The following RABGAP1 variants were observed in gnomAD, a reference collection of about 807,000 sequenced individuals.
RABGAP1 encodes RAB GTPase activating protein 1.
A neutral mutation model predicts 137.6 loss-of-function variants in RABGAP1; 23 were observed. The ratio of observed to expected loss-of-function variants is 0.17; its 90% CI spans 0.12 to 0.24. The LOEUF (loss-of-function observed/expected upper bound fraction) is 0.24. RABGAP1 is among the 10% of genes least tolerant of loss of function. The pLI, the probability that RABGAP1 is intolerant of heterozygous loss-of-function variation, is 1.00. For missense variants in RABGAP1, 906 were observed against 1,275.8 expected, an observed-to-expected ratio of 0.71 and a Z score of 4.42; for synonymous variants, 451 against 450.7, an observed-to-expected ratio of 1.00 and a Z score of -0.01.
chr9:122,971,425 A>G (rs986761037), intron 2 of RABGAP1, among the ~76,000 whole-genome samples: 41 of 152,348 alleles, frequency 2.7e-4, no homozygotes, highest in African/African-American at 7.0e-4. Context: ...AGCAGAGCAC[A>G]CAATCCAAAA....
intron 2 of RABGAP1, among the ~76,000 whole-genome samples, chr9:122,975,033 A>G (rs1432983571): frequency 2.6e-5 from 4 of 152,230 alleles, no homozygotes; most frequent in Non-Finnish European, 5.9e-5. Context: ...GTTATAAGTA[A>G]CATACATACT....
At chr9:123,047,099 A>G (rs1324304966) in intron 13 of RABGAP1, among the ~76,000 whole-genome samples, 2 of 152,246 alleles carry the variant, frequency 1.3e-5, no homozygotes, top group African/African-American at 2.4e-5. Flanking sequence ...AGGTTTGGAA[A>G]AAAAGGAAAC....
At chr9:123,056,135 A>G (rs372118505) in intron 13 of RABGAP1, among the ~76,000 whole-genome samples, 2 of 152,328 alleles carry the variant, frequency 1.3e-5, no homozygotes, top group East Asian at 3.9e-4. Context: ...TATAGATGCT[A>G]GGTGTGCTCC....
At chr9:122,962,483 T>C (rs1834902810) in intron 2 of RABGAP1, among the ~76,000 whole-genome samples, 1 of 151,906 alleles carries the variant, frequency 6.6e-6, no homozygotes, top group Non-Finnish European at 1.5e-5. Flanking sequence ...GTCACACCAC[T>C]GCATTCTAGC....
intron 19 of RABGAP1, among the ~76,000 whole-genome samples, chr9:123,088,647 T>C (rs2034943222): frequency 1.3e-5 from 2 of 152,170 alleles, no homozygotes; most frequent in South Asian, 2.1e-4. Context: ...GAGATCACAC[T>C]ACTGCACTCC....
intron 13 of RABGAP1, among the ~76,000 whole-genome samples, chr9:123,058,978 G>A (rs1439361103): frequency 1.3e-5 from 2 of 152,190 alleles, no homozygotes; most frequent in African/African-American, 4.8e-5. Flanking sequence ...GGGTGCCTTT[G>A]TCAGCAGTGA....
At chr9:122,996,993 G>T in intron 8 of RABGAP1, 1 of 573,754 alleles carries the variant, frequency 1.7e-6, no homozygotes, top group South Asian at 1.6e-5. Flanking sequence ...TAATTCACAT[G>T]AAAGAAGAAT....
chr9:123,084,428 C>T (rs1286231915), intron 19 of RABGAP1, among the ~76,000 whole-genome samples: 2 of 152,198 alleles, frequency 1.3e-5, no homozygotes, highest in African/African-American at 4.8e-5. Flanking sequence ...TCTACCCACT[C>T]ACCCAACAAC....
chr9:122,989,926 G>C, intron 5 of RABGAP1, 130 bp from the exon 6 acceptor site: 1 of 1,082,724 alleles, frequency 9.2e-7, no homozygotes, highest in Non-Finnish European at 1.3e-6. Flanking sequence ...TAACAAATTA[G>C]GTAATTTACC....
the RABGAP1 span, among the ~76,000 whole-genome samples, chr9:122,933,261 C>G: frequency 1.1e-4 from 17 of 151,866 alleles, no homozygotes; most frequent in African/African-American, 4.1e-4. Context: ...GAGTCTGTTC[C>G]TAGCGAGGTA....
chr9:123,041,068 G>C (rs2032928773), intron 13 of RABGAP1, among the ~76,000 whole-genome samples: 2 of 152,170 alleles, frequency 1.3e-5, no homozygotes, highest in Admixed American at 6.5e-5. Flanking sequence ...GGGCACATGT[G>C]TATGTGTGTA....
intron 2 of RABGAP1, among the ~76,000 whole-genome samples, chr9:122,969,122 A>T (rs1435057905): frequency 3.9e-5 from 6 of 152,174 alleles, no homozygotes; most frequent in Non-Finnish European, 7.4e-5. Flanking sequence ...CCATATTTTT[A>T]TTGTACCTTT....
intron 10 of RABGAP1, among the ~76,000 whole-genome samples, chr9:123,009,597 T>TA (rs1218663209): frequency 6.6e-6 from 1 of 152,226 alleles, no homozygotes; most frequent in African/African-American, 2.4e-5. Flanking sequence ...TATACTTACT[T>TA]ACATGTAATA....
chr9:123,041,394 G>T (rs1259982267), intron 13 of RABGAP1, among the ~76,000 whole-genome samples: 1 of 152,126 alleles, frequency 6.6e-6, no homozygotes, highest in Non-Finnish European at 1.5e-5. Context: ...TTTTATAGGT[G>T]AGGAAACATA....
intron 13 of RABGAP1, among the ~76,000 whole-genome samples, chr9:123,025,842 T>G (rs934918631): frequency 6.6e-6 from 1 of 152,118 alleles, no homozygotes; most frequent in African/African-American, 2.4e-5. Context: ...TTTACCTCTT[T>G]TACAATGTTT....
At chr9:122,937,321 G>T (rs2131552596), upstream of RABGAP1, among the ~76,000 whole-genome samples, 1 of 152,360 alleles carries the variant, frequency 6.6e-6, no homozygotes, top group African/African-American at 2.4e-5. Context: ...ACAGGGCTGG[G>T]CGTGGGGTGG....
intron 6 of RABGAP1, chr9:122,990,787 AAAAAAAAAAATATATATATATATATATAT>A (rs1407553186): frequency 7.2e-5 from 5 of 69,064 alleles, no homozygotes; most frequent in South Asian, 1.3e-3. Context: ...AAAAAAAAAA[AAAAAAAAAAATATATATATATATATATAT>A]ATATATATAT....
At chr9:122,973,339 A>G (rs1835573868) in intron 2 of RABGAP1, among the ~76,000 whole-genome samples, 2 of 151,980 alleles carry the variant, frequency 1.3e-5, no homozygotes, top group Non-Finnish European at 1.5e-5. Context: ...TCGGGTTCAC[A>G]CCATTCCCCT....
intron 1 of RABGAP1, among the ~76,000 whole-genome samples, chr9:122,952,904 A>G (rs1017590206): frequency 1.3e-5 from 2 of 152,260 alleles, no homozygotes; most frequent in African/African-American, 4.8e-5. Context: ...ATGGATAATA[A>G]TCCTTATTCT....
Sources: allele counts gnomAD v4.1 joint callset (sites outside exome capture counted in the v4.1 genomes callset), GRCh38; gene constraint gnomAD v4.1.1; transcripts MANE v1.5; gene names NCBI Gene and HGNC (gene_info 2026-07-23, HGNC 2026-07-21).